RALGPS1: variants seen among roughly 807,000 people sequenced by gnomAD.
The protein encoded by RALGPS1 is Ral GEF with PH domain and SH3 binding motif 1.
Under a neutral mutation model 78.8 loss-of-function variants are expected in RALGPS1, and 19 were observed. The ratio of observed to expected loss-of-function variants is 0.24; its 90% CI spans 0.17 to 0.35. The LOEUF (loss-of-function observed/expected upper bound fraction) is 0.35, where lower values mean the gene tolerates loss of function less well. Ranked by LOEUF, RALGPS1 falls within the 10% of genes least tolerant of loss-of-function variation. RALGPS1 has a pLI of 1.00. For synonymous variants in RALGPS1, 228 were observed against 256.3 expected (o/e 0.89, Z 1.06); for missense variants, 454 against 688.3 (o/e 0.66, Z 3.81).
At chr9:127,045,730 TACACACAC>T (rs60442898) in intron 5 of RALGPS1, among the ~76,000 whole-genome samples, 1,868 of 141,470 alleles carry the variant, frequency 0.013, 47 homozygotes, top group Admixed American at 0.043. Flanking sequence ...CATGGGTTAG[TACACACAC>T]ACACACACAC....
chr9:127,215,243 T>G (rs999080926), intron 18 of RALGPS1, among the ~76,000 whole-genome samples: 1 of 152,162 alleles, frequency 6.6e-6, no homozygotes, highest in Admixed American at 6.5e-5. Flanking sequence ...TTGGGAATAA[T>G]GCGGCTAGCT....
chr9:127,041,902 A>G (rs886410121), intron 5 of RALGPS1, among the ~76,000 whole-genome samples: 1 of 152,224 alleles, frequency 6.6e-6, no homozygotes, highest in East Asian at 1.9e-4. Context: ...TTTCTTAACC[A>G]TGAAGGCTGA....
intron 1 of RALGPS1, among the ~76,000 whole-genome samples, chr9:126,917,828 C>T: frequency 6.6e-6 from 1 of 152,204 alleles, no homozygotes; most frequent in East Asian, 1.9e-4. Context: ...TTCCTGTCTC[C>T]AGACCTTGGG....
At chr9:127,009,872 T>C (rs999414022) in intron 4 of RALGPS1, among the ~76,000 whole-genome samples, 1 of 152,174 alleles carries the variant, frequency 6.6e-6, no homozygotes, top group Non-Finnish European at 1.5e-5. Flanking sequence ...GTTTAACTGC[T>C]AACTTCCCTG....
intron 11 of RALGPS1, among the ~76,000 whole-genome samples, chr9:127,176,477 C>A (rs1020491381): frequency 3.9e-5 from 6 of 152,214 alleles, no homozygotes; most frequent in Non-Finnish European, 8.8e-5. Flanking sequence ...TTAAGAGCTA[C>A]AGAAGGAATG....
intron 8 of RALGPS1, among the ~76,000 whole-genome samples, chr9:127,121,141 C>T (rs971094230): frequency 1.3e-5 from 2 of 152,198 alleles, no homozygotes; most frequent in Admixed American, 1.3e-4. Flanking sequence ...AATGCCTGTG[C>T]TATAGGGTGG....
chr9:127,089,056 C>A, intron 8 of RALGPS1: 1 of 1,614,174 alleles, frequency 6.2e-7, no homozygotes, highest in African/African-American at 1.3e-5. Flanking sequence ...GGTAATGGCC[C>A]CCGCGGTACC....
rs1308099896 is a variant in RALGPS1, at chr9:127,221,026, T to C, written c.*2257T>C. On this transcript the variant is annotated 3_prime_UTR_variant, in exon 19 of 19. Coordinates refer to ENST00000259351, the MANE Select transcript of RALGPS1 (RefSeq NM_014636.3). ...CCAGGAACATTCTTAGCTCGGACTC[T>C]TGAAGAATCTCTTTAGATTTTGTTG... The C allele has an allele frequency of 1.3e-5, 2 of 152,528 alleles. No individual in the cohort carries two copies. Among genetic ancestry groups the C allele is most frequent in the Non-Finnish European group, 2.9e-5 (2 of 68,042 alleles). The allele number at this position is 152,528 out of a possible 1,614,324, so 9.4% of individuals were successfully genotyped here.
intron 7 of RALGPS1, among the ~76,000 whole-genome samples, chr9:127,057,481 G>T (rs1373822655): frequency 6.6e-6 from 1 of 152,210 alleles, no homozygotes; most frequent in Non-Finnish European, 1.5e-5. Flanking sequence ...AGTGCTAGCT[G>T]CTGGGTGAGC....
Position 127,212,867 on chromosome 9 carries a change from G to T in RALGPS1, c.1447-77G>T. On this transcript the variant is annotated intron_variant, in intron 16 of 18. Coordinates refer to ENST00000259351, the MANE Select transcript of RALGPS1 (RefSeq NM_014636.3). The surrounding 1 kb of genome is among the most constrained non-coding windows in gnomAD (Gnocchi z 6.0). ...GGCGGCAGGGGAGGGAGGAAGCCTTGCCTGGCCCACGTCGGCCTCCCTTGT... is the reference window on the plus strand; with the variant it reads ...GGCGGCAGGGGAGGGAGGAAGCCTTTCCTGGCCCACGTCGGCCTCCCTTGT... 1 of 1,602,674 alleles carries T rather than the reference G, an allele frequency of 6.2e-7. No individual in the cohort carries two copies. The highest frequency in any genetic ancestry group is 1.7e-4 in the Middle Eastern group (1 of 5,886).
At chr9:127,182,178 T>TA (rs74348799) in intron 11 of RALGPS1, among the ~76,000 whole-genome samples, 262 of 141,500 alleles carry the variant, frequency 1.9e-3, no homozygotes, top group Admixed American at 9.8e-3. Flanking sequence ...CCCATCTGTT[T>TA]AAAAAAAAAA....
In RALGPS1 at chr9:127,212,794, G is replaced by T; in HGVS notation, c.1446+75G>T. On this transcript the variant is annotated intron_variant, in intron 16 of 18. Transcript: ENST00000259351. This position sits in a 1 kb window ranked among gnomAD's most constrained non-coding sequence, Gnocchi z 6.0. ...GGGACCTCTGTGAACTGTGGAGGAT[G>T]GGGGTGGGAAAGGGATCTGTGTGAA... is the stretch of plus-strand genomic sequence containing the variant. 6.6e-7 allele frequency: 1 copy of T among 1,524,020 alleles called. No homozygotes were observed. The highest frequency in any genetic ancestry group is 9.0e-7 in the Non-Finnish European group (1 of 1,110,400). 94.4% of individuals were successfully genotyped at this position (1,524,020 alleles called of 1,614,324 possible). A position where few individuals can be genotyped will look rare whatever the true frequency, so the allele number is the denominator to read the frequency against.
At chr9:127,215,127 A>G (rs1178132117) in intron 18 of RALGPS1, among the ~76,000 whole-genome samples, 1 of 152,176 alleles carries the variant, frequency 6.6e-6, no homozygotes, top group Admixed American at 6.5e-5. Context: ...CAGCTGTGAT[A>G]TCACCCCAGG....
At position 127,111,618 on chromosome 9, in the gene RALGPS1, A is replaced by G. The variant is rs557797987; in HGVS notation, c.610+42262A>G. On this transcript the variant is annotated intron_variant, in intron 8 of 18. Coordinates refer to ENST00000259351, the MANE Select transcript of RALGPS1 (RefSeq NM_014636.3). ...GGGCCTATGTGTGTATTTATTAATA[A>G]CATCCATTGACCAAGGTCCGCTATA... Among the ~76,000 whole-genome samples, 63 of 152,336 alleles carry G rather than the reference A, an allele frequency of 4.1e-4. 1 individual carries two copies. Among genetic ancestry groups the G allele is most frequent in the South Asian group, 2.5e-3 (12 of 4,826 alleles).
chr9:127,096,078 T>G (rs954015525), intron 8 of RALGPS1, among the ~76,000 whole-genome samples: 1 of 152,136 alleles, frequency 6.6e-6, no homozygotes, highest in African/African-American at 2.4e-5. Context: ...GACCCAATGC[T>G]CCCCACCCCA....
At chr9:127,177,485 G>A (rs534732203) in intron 11 of RALGPS1, among the ~76,000 whole-genome samples, 3 of 152,260 alleles carry the variant, frequency 2.0e-5, no homozygotes, top group South Asian at 4.2e-4. Flanking sequence ...GACCCAGCTG[G>A]TCCCTGCATT....
At chr9:126,960,885 G>A (rs888906366) in intron 1 of RALGPS1, among the ~76,000 whole-genome samples, 10 of 152,006 alleles carry the variant, frequency 6.6e-5, no homozygotes, top group African/African-American at 2.4e-4. Flanking sequence ...TCCTCAGCTG[G>A]TACTTCTGCC....
chr9:127,196,491 G>T lies in RALGPS1; in HGVS notation c.1055G>T (p.Ser352Ile), dbSNP rs1223250961. The T allele has an allele frequency of 6.2e-7, 1 of 1,613,570 alleles. No homozygotes were observed. The highest frequency in any genetic ancestry group is 1.3e-5 in the African/African-American group (1 of 74,932). The change falls in exon 13 of 19, where the codon AGT (serine) becomes ATT (isoleucine). Residue 352 changes from serine to isoleucine, a missense_variant. Ser to Ile is a moderately radical substitution (Grantham distance 142). Coordinates refer to ENST00000259351, the MANE Select transcript of RALGPS1 (RefSeq NM_014636.3). ...TTTTCCAGTATGATGTGTCAGTTGA[G>T]TGTAGTTGAGAGTAAAAGTGCGACA... The part of the protein sequence containing the change: ...SLGNNMMCQL[S>I]VVESKSATFP...
chr9:127,029,975 A>G (rs1470053672), intron 4 of RALGPS1, among the ~76,000 whole-genome samples: 1 of 152,236 alleles, frequency 6.6e-6, no homozygotes, highest in African/African-American at 2.4e-5. Flanking sequence ...AGGTGGGGGT[A>G]TTAAGACTAA....
Sources: allele counts gnomAD v4.1 joint callset (sites outside exome capture counted in the v4.1 genomes callset), GRCh38; gene constraint gnomAD v4.1.1; non-coding constraint Gnocchi (gnomAD v3.1); transcripts MANE v1.5; gene names NCBI Gene and HGNC (gene_info 2026-07-23, HGNC 2026-07-21).